HCN1: variants seen among roughly 807,000 people sequenced by gnomAD.
HCN1 encodes hyperpolarization activated cyclic nucleotide gated potassium channel 1, also known as potassium/sodium hyperpolarization-activated cyclic nucleotide-gated channel 1.
HCN1 carries 13 observed loss-of-function variants against 78.9 expected under a neutral mutation model. That is an observed-to-expected ratio of 0.16 (90% CI 0.11 to 0.26). The LOEUF is 0.26. Ranked by LOEUF, HCN1 falls within the 10% of genes least tolerant of loss-of-function variation. The pLI, the probability that HCN1 is intolerant of heterozygous loss-of-function variation, is 1.00. For missense variants in HCN1, 810 were observed against 1,154.3 expected (o/e 0.70, Z 4.32); for synonymous variants, 552 against 455.5 (o/e 1.21, Z -2.70).
intron 2 of HCN1, among the ~76,000 whole-genome samples, chr5:45,610,683 G>C (rs1367428728): frequency 6.7e-6 from 1 of 150,300 alleles, no homozygotes; most frequent in Non-Finnish European, 1.5e-5. Flanking sequence ...CTGTACTTTT[G>C]TATCCCATAA....
chr5:45,296,290 T>C (rs1422118783), intron 6 of HCN1, among the ~76,000 whole-genome samples: 1 of 151,754 alleles, frequency 6.6e-6, no homozygotes, highest in African/African-American at 2.4e-5. Flanking sequence ...CAAGGTAAAA[T>C]TTCAGATCAC....
chr5:45,663,765 C>G (rs200298002), intron 1 of HCN1, among the ~76,000 whole-genome samples: 1 of 128,212 alleles, frequency 7.8e-6, no homozygotes, highest in Non-Finnish European at 1.7e-5. Context: ...GAGGTATCAT[C>G]TCACACCAGT....
At chr5:45,314,178 T>C (rs1238224349) in intron 5 of HCN1, among the ~76,000 whole-genome samples, 1 of 152,160 alleles carries the variant, frequency 6.6e-6, no homozygotes, top group African/African-American at 2.4e-5. Flanking sequence ...GCAGAAACTC[T>C]ACAAGCCAGA....
At chr5:45,565,784 C>A (rs911018500) in intron 2 of HCN1, among the ~76,000 whole-genome samples, 1 of 152,048 alleles carries the variant, frequency 6.6e-6, no homozygotes, top group African/African-American at 2.4e-5. Flanking sequence ...GCAAGGGCAA[C>A]AGAATGAGAC....
chr5:45,379,991 A>G (rs780257620), intron 4 of HCN1, among the ~76,000 whole-genome samples: 16 of 152,102 alleles, frequency 1.1e-4, no homozygotes, highest in Non-Finnish European at 2.4e-4. Context: ...ATATATATTA[A>G]GTAAATAAGA....
At chr5:45,567,911 TACACACACACACACACACAC>T (rs10601970) in intron 2 of HCN1, among the ~76,000 whole-genome samples, 187 of 144,714 alleles carry the variant, frequency 1.3e-3, no homozygotes, top group African/African-American at 4.6e-3. Flanking sequence ...ATATGTGAAG[TACACACACACACACACACAC>T]ACACACACAC....
chr5:45,563,096 C>T (rs1489226836), intron 2 of HCN1, among the ~76,000 whole-genome samples: 3 of 152,208 alleles, frequency 2.0e-5, no homozygotes, highest in African/African-American at 7.2e-5. Context: ...GTAAATTTAA[C>T]ATTTATCATA....
intron 2 of HCN1, among the ~76,000 whole-genome samples, chr5:45,623,413 T>G (rs1745106447): frequency 6.6e-6 from 1 of 152,196 alleles, no homozygotes; most frequent in African/African-American, 2.4e-5. Context: ...CTTCCATCTC[T>G]GAGACTTTCA....
chr5:45,489,317 T>G (rs1741833455), intron 2 of HCN1, among the ~76,000 whole-genome samples: 1 of 152,144 alleles, frequency 6.6e-6, no homozygotes, highest in South Asian at 2.1e-4. Flanking sequence ...AAAGATAACT[T>G]GGGGTTAAGA....
intron 1 of HCN1, among the ~76,000 whole-genome samples, chr5:45,664,298 G>T (rs1327581225): frequency 3.9e-5 from 5 of 128,772 alleles, no homozygotes; most frequent in Non-Finnish European, 8.1e-5. Flanking sequence ...TCACACTCTG[G>T]GGACTGTGGT....
At chr5:45,626,944 G>A (rs982998051) in intron 2 of HCN1, among the ~76,000 whole-genome samples, 4 of 150,346 alleles carry the variant, frequency 2.7e-5, no homozygotes, top group South Asian at 4.2e-4. Flanking sequence ...ATATATACAC[G>A]CCATATATAT....
intron 4 of HCN1, among the ~76,000 whole-genome samples, chr5:45,373,988 T>A (rs1184349352): frequency 9.0e-6 from 1 of 111,216 alleles, no homozygotes; most frequent in East Asian, 2.3e-4. Flanking sequence ...ATACATAATA[T>A]ATATAATATA....
chr5:45,375,870 AT>A (rs1747633323), intron 4 of HCN1, among the ~76,000 whole-genome samples: 1 of 120,012 alleles, frequency 8.3e-6, no homozygotes, highest in Admixed American at 9.8e-5. Context: ...TATATCTTAT[AT>A]ATATTTTATC....
At chr5:45,503,448 T>A (rs902410351) in intron 2 of HCN1, among the ~76,000 whole-genome samples, 38 of 152,094 alleles carry the variant, frequency 2.5e-4, no homozygotes, top group Non-Finnish European at 2.9e-5. Flanking sequence ...AGTTCTAGAT[T>A]TAGCTTAAAA....
chr5:45,614,749 GATACAT>G (rs1258480180), intron 2 of HCN1, among the ~76,000 whole-genome samples: 1 of 151,916 alleles, frequency 6.6e-6, no homozygotes, highest in African/African-American at 2.4e-5. Flanking sequence ...AGCAAAATTT[GATACAT>G]ATAAACAGTA....
chr5:45,603,204 G>T (rs1744660006), intron 2 of HCN1, among the ~76,000 whole-genome samples: 1 of 151,976 alleles, frequency 6.6e-6, no homozygotes, highest in Non-Finnish European at 1.5e-5. Context: ...GAATCCATTT[G>T]CTGTTTTAGT....
intron 6 of HCN1, among the ~76,000 whole-genome samples, chr5:45,271,481 C>CT (rs1298963556): frequency 6.6e-6 from 1 of 151,818 alleles, no homozygotes; most frequent in African/African-American, 2.4e-5. Context: ...CTGTGTTAGT[C>CT]TCAGTCAACT....
intron 3 of HCN1, among the ~76,000 whole-genome samples, chr5:45,456,352 G>A (rs1031558290): frequency 5.9e-5 from 9 of 152,072 alleles, no homozygotes; most frequent in Admixed American, 2.6e-4. Context: ...TTTAAAAAAT[G>A]CTGATAATTA....
intron 2 of HCN1, among the ~76,000 whole-genome samples, chr5:45,516,444 TTC>T (rs1457879988): frequency 6.6e-6 from 1 of 152,040 alleles, no homozygotes; most frequent in Non-Finnish European, 1.5e-5. Flanking sequence ...CTTCTTTTGT[TTC>T]TCTTTTTCTT....
Sources: gnomAD v4.1 joint callset for allele counts (sites outside exome capture counted in the v4.1 genomes callset) on GRCh38, gnomAD v4.1.1 for gene constraint, MANE v1.5 for transcripts, NCBI Gene and HGNC (gene_info 2026-07-23, HGNC 2026-07-21) for gene names.